The following ULK4 variants were observed in gnomAD, a reference collection of about 807,000 sequenced individuals.
The protein encoded by ULK4 is unc-51 like kinase 4, also known as inactive serine/threonine-protein kinase ULK4.
Under a neutral mutation model 160.6 loss-of-function variants are expected in ULK4, and 133 were observed. The ratio of observed to expected loss-of-function variants is 0.83; its 90% CI spans 0.72 to 0.96. The LOEUF is 0.96. Ranked by LOEUF, ULK4 falls within the 40% of genes least tolerant of loss-of-function variation. The pLI is 0.00. For synonymous variants in ULK4, 534 were observed against 539.8 expected (o/e 0.99, Z 0.15); for missense variants, 1,580 against 1,499.5 (o/e 1.05, Z -0.89).
intron 17 of ULK4, among the ~76,000 whole-genome samples, chr3:41,875,131 A>G (rs1697252778): frequency 6.6e-6 from 1 of 152,212 alleles, no homozygotes; most frequent in African/African-American, 2.4e-5. Flanking sequence ...GTGAGCCATG[A>G]TCGTGCTACT....
intron 21 of ULK4, among the ~76,000 whole-genome samples, chr3:41,782,624 A>G (rs551546205): frequency 6.6e-6 from 1 of 152,358 alleles, no homozygotes; most frequent in South Asian, 2.1e-4. Flanking sequence ...GCATATGTGA[A>G]AGAGTTTAAT....
intron 35 of ULK4, among the ~76,000 whole-genome samples, chr3:41,280,148 G>C (rs1384465478): frequency 6.6e-6 from 1 of 152,164 alleles, no homozygotes; most frequent in Non-Finnish European, 1.5e-5. Flanking sequence ...GGAGCACCCA[G>C]ATTCATAAAG....
intron 12 of ULK4, among the ~76,000 whole-genome samples, chr3:41,901,319 A>G (rs1698351290): frequency 1.3e-5 from 2 of 149,146 alleles, no homozygotes; most frequent in Middle Eastern, 3.6e-3. Context: ...AGCTGGGACT[A>G]CAGGCGCCTG....
chr3:41,878,675 T>TAAAAAAAAAAAAAAAAAAAAA (rs33987084), intron 17 of ULK4, among the ~76,000 whole-genome samples: 1 of 95,934 alleles, frequency 1.0e-5, no homozygotes, highest in African/African-American at 4.0e-5. Context: ...TTAAAACTGT[T>TAAAAAAAAAAAAAAAAAAAAA]AAAAAAAAAA....
chr3:41,822,579 G>A (rs150151139), intron 18 of ULK4, among the ~76,000 whole-genome samples: 20 of 151,834 alleles, frequency 1.3e-4, no homozygotes, highest in East Asian at 3.9e-4. Context: ...CACCACACCC[G>A]GCTAATTTTT....
At chr3:41,955,188 G>A (rs779100459) in intron 1 of ULK4, among the ~76,000 whole-genome samples, 4 of 152,220 alleles carry the variant, frequency 2.6e-5, no homozygotes, top group Non-Finnish European at 5.9e-5. Context: ...TACGCGGGAG[G>A]CTGAGGCAGG....
At chr3:41,933,735 A>C (rs1023901688) in intron 4 of ULK4, among the ~76,000 whole-genome samples, 1 of 148,914 alleles carries the variant, frequency 6.7e-6, no homozygotes, top group Non-Finnish European at 1.5e-5. Context: ...GCCACACACA[A>C]AAAATTAATA....
chr3:41,559,061 G>A (rs1457449646), intron 32 of ULK4, among the ~76,000 whole-genome samples: 3 of 138,090 alleles, frequency 2.2e-5, no homozygotes, highest in South Asian at 2.4e-4. Flanking sequence ...GGTGTATCAT[G>A]TTCCCCTTCC....
chr3:41,781,887 C>T (rs2039852468), intron 21 of ULK4, among the ~76,000 whole-genome samples: 3 of 152,012 alleles, frequency 2.0e-5, no homozygotes, highest in South Asian at 2.1e-4. Context: ...TGCAGTGAGC[C>T]GAGATCATGC....
intron 35 of ULK4, among the ~76,000 whole-genome samples, chr3:41,353,718 T>C (rs963606056): frequency 2.1e-4 from 30 of 143,426 alleles, no homozygotes; most frequent in African/African-American, 8.5e-4. Context: ...CTACTACTAC[T>C]ACTACTACTA....
intron 17 of ULK4, among the ~76,000 whole-genome samples, chr3:41,869,298 G>A (rs1293839551): frequency 2.6e-5 from 4 of 152,040 alleles, no homozygotes; most frequent in South Asian, 2.1e-4. Flanking sequence ...GGCTATACAG[G>A]GCACCATGGC....
intron 27 of ULK4, among the ~76,000 whole-genome samples, chr3:41,686,677 A>G (rs1026453054): frequency 2.0e-5 from 3 of 152,170 alleles, no homozygotes; most frequent in Admixed American, 6.5e-5. Context: ...CTGGCCCCAA[A>G]TCCCTGGAGG....
chr3:41,539,218 C>A (rs78131688), intron 32 of ULK4, among the ~76,000 whole-genome samples: 3,128 of 152,128 alleles, frequency 0.021, 114 homozygotes, highest in African/African-American at 0.072. Flanking sequence ...GTGTGCCATG[C>A]AGCCTTCATT....
rs199537973 is a variant in ULK4, at chr3:41,455,913, C to CT, written c.3394-319dup. 6.6e-4 allele frequency among the ~76,000 whole-genome samples: 101 copies of CT among 152,006 alleles called. No individual in the cohort carries two copies. In the East Asian group the frequency reaches 0.017, roughly 26 times the overall value. On this transcript the variant is annotated intron_variant, in intron 33 of 36. Transcript: ENST00000301831. ...ATATTGCAGTGAGGAAGCGCTTAAT[C>CT]TTTTTTTTCTTTTTGAGTTGGAGTC... is the stretch of plus-strand genomic sequence containing the variant.
chr3:41,420,934 C>T (rs375804701), intron 34 of ULK4, among the ~76,000 whole-genome samples: 40 of 151,310 alleles, frequency 2.6e-4, no homozygotes, highest in African/African-American at 9.2e-4. Flanking sequence ...GCCAACAAGA[C>T]GAGAGCCTGT....
chr3:41,717,984 T>C, intron 22 of ULK4, 123 bp from the exon 23 acceptor site: 1 of 1,152,168 alleles, frequency 8.7e-7, no homozygotes, highest in Non-Finnish European at 1.2e-6. Context: ...ACGTTTAGAT[T>C]TGTAGCAACT....
chr3:41,761,381 A>C (rs1288943818), intron 21 of ULK4, among the ~76,000 whole-genome samples: 1 of 148,636 alleles, frequency 6.7e-6, no homozygotes, highest in Non-Finnish European at 1.5e-5. Flanking sequence ...TACATATATT[A>C]GATTTATTAT....
At chr3:41,937,521 T>C (rs1699817840) in intron 3 of ULK4, among the ~76,000 whole-genome samples, 1 of 149,738 alleles carries the variant, frequency 6.7e-6, no homozygotes, top group Non-Finnish European at 1.5e-5. Context: ...GTAATACCTA[T>C]TAATAGTTAA....
At chr3:41,932,297 C>G (rs973045868) in intron 4 of ULK4, among the ~76,000 whole-genome samples, 1 of 152,108 alleles carries the variant, frequency 6.6e-6, no homozygotes, top group East Asian at 1.9e-4. Flanking sequence ...GAAAATAAAA[C>G]AATCTGCCCT....
Sources: gnomAD v4.1 joint callset for allele counts (sites outside exome capture counted in the v4.1 genomes callset) on GRCh38, gnomAD v4.1.1 for gene constraint, MANE v1.5 for transcripts, NCBI Gene and HGNC (gene_info 2026-07-23, HGNC 2026-07-21) for gene names.